Variants in GALNTL6 observed in about 807,000 individuals in gnomAD.
The protein encoded by GALNTL6 is polypeptide N-acetylgalactosaminyltransferase like 6, also known as polypeptide N-acetylgalactosaminyltransferase-like 6.
Under a neutral mutation model 73.7 loss-of-function variants are expected in GALNTL6, and 46 were observed. The ratio of observed to expected loss-of-function variants is 0.62; its 90% CI spans 0.49 to 0.80. The LOEUF is 0.80. Ranked by LOEUF, GALNTL6 falls within the 30% of genes least tolerant of loss-of-function variation. The probability of loss-of-function intolerance (pLI) is 0.00; values close to 1 mark genes in which losing one functional copy is unlikely to be tolerated. For synonymous variants in GALNTL6, 259 were observed against 263.7 expected (o/e 0.98, Z 0.17); for missense variants, 604 against 755.0 (o/e 0.80, Z 2.34).
At chr4:172,444,353 G>A (rs536260713) in intron 5 of GALNTL6, among the ~76,000 whole-genome samples, 26 of 152,238 alleles carry the variant, frequency 1.7e-4, no homozygotes, top group Middle Eastern at 3.4e-3. Flanking sequence ...GTGCTACTTC[G>A]TGATTCCCTT....
intron 7 of GALNTL6, among the ~76,000 whole-genome samples, chr4:172,853,842 T>G (rs935771665): frequency 1.3e-5 from 2 of 152,230 alleles, no homozygotes; most frequent in African/African-American, 4.8e-5. Flanking sequence ...AAATATTCTA[T>G]GTAGTATTGG....
chr4:172,649,835 A>G (rs1740396639), intron 5 of GALNTL6, among the ~76,000 whole-genome samples: 1 of 152,166 alleles, frequency 6.6e-6, no homozygotes, highest in Middle Eastern at 3.2e-3. Context: ...TGTACATATT[A>G]TGTATGTTAT....
chr4:172,183,733 C>T (rs72700989), intron 2 of GALNTL6, among the ~76,000 whole-genome samples: 3,407 of 151,386 alleles, frequency 0.023, 45 homozygotes, highest in Non-Finnish European at 0.032. Flanking sequence ...CCATGAGCCC[C>T]TTGTGTTTTT....
intron 2 of GALNTL6, among the ~76,000 whole-genome samples, chr4:172,228,601 C>A (rs1279161904): frequency 6.6e-6 from 1 of 152,016 alleles, no homozygotes; most frequent in Non-Finnish European, 1.5e-5. Flanking sequence ...AATAAAATTA[C>A]CTCACTGAAA....
intron 2 of GALNTL6, among the ~76,000 whole-genome samples, chr4:172,164,333 A>G (rs1279799645): frequency 1.3e-5 from 2 of 152,034 alleles, no homozygotes; most frequent in Non-Finnish European, 2.9e-5. Flanking sequence ...CATTTAATCA[A>G]AATATTTATA....
chr4:172,991,363 C>A (rs1425689076), intron 10 of GALNTL6, among the ~76,000 whole-genome samples: 1 of 151,706 alleles, frequency 6.6e-6, no homozygotes, highest in Non-Finnish European at 1.5e-5. Flanking sequence ...CTTTTGTATT[C>A]ACGTATGATT....
At chr4:171,987,816 A>C (rs1312158955) in intron 2 of GALNTL6, among the ~76,000 whole-genome samples, 1 of 152,150 alleles carries the variant, frequency 6.6e-6, no homozygotes, top group African/African-American at 2.4e-5. Flanking sequence ...AGGAACAGGA[A>C]AGAAGGAAAT....
intron 10 of GALNTL6, among the ~76,000 whole-genome samples, chr4:172,983,555 C>T (rs1467802963): frequency 2.0e-5 from 3 of 152,184 alleles, no homozygotes; most frequent in Non-Finnish European, 2.9e-5. Flanking sequence ...AGTAGCCGGG[C>T]GTGGTGGCAC....
At chr4:172,903,801 A>C (rs1746747766) in intron 8 of GALNTL6, among the ~76,000 whole-genome samples, 1 of 152,130 alleles carries the variant, frequency 6.6e-6, no homozygotes, top group East Asian at 1.9e-4. Flanking sequence ...GTATTACTTT[A>C]TTCAATCTTT....
chr4:172,530,488 A>G (rs778614886), intron 5 of GALNTL6, among the ~76,000 whole-genome samples: 9 of 152,184 alleles, frequency 5.9e-5, no homozygotes, highest in Non-Finnish European at 1.0e-4. Flanking sequence ...CTAATGTTTT[A>G]CATGCTACTC....
chr4:172,349,707 A>C (rs988997733), intron 5 of GALNTL6, among the ~76,000 whole-genome samples: 34 of 152,026 alleles, frequency 2.2e-4, no homozygotes, highest in African/African-American at 8.2e-4. Context: ...TGGGACTTAC[A>C]TGACAGAAAG....
chr4:172,322,070 C>T (rs866694490), intron 4 of GALNTL6, among the ~76,000 whole-genome samples: 8 of 152,122 alleles, frequency 5.3e-5, no homozygotes, highest in African/African-American at 2.4e-5. Flanking sequence ...AGCATTCATA[C>T]AACTCCAGTA....
At position 172,778,410 on chromosome 4, in the gene GALNTL6, A is replaced by C. The variant is rs1020013097; in HGVS notation, c.554-30951A>C. ...ACACAAGATTTAAGTCTGGAGCTGG[A>C]ATAAGCCACATGTAGGCACAATGTG... On this transcript the variant is annotated intron_variant, in intron 5 of 12. Transcript: ENST00000506823. Among the ~76,000 whole-genome samples, 5 of 152,254 alleles carry C rather than the reference A, an allele frequency of 3.3e-5. No homozygotes were observed. The South Asian group carries it at 1.0e-3, about 32-fold the overall frequency.
chr4:172,685,136 A>G (rs970192658), intron 5 of GALNTL6, among the ~76,000 whole-genome samples: 2 of 152,346 alleles, frequency 1.3e-5, no homozygotes, highest in African/African-American at 4.8e-5. Flanking sequence ...TAATATAAAT[A>G]ACCAGAAAAG....
chr4:172,393,437 C>T (rs988675560), intron 5 of GALNTL6, among the ~76,000 whole-genome samples: 12 of 152,148 alleles, frequency 7.9e-5, no homozygotes, highest in South Asian at 2.1e-4. Context: ...TTAAACAAAA[C>T]GAAGAGACAA....
At chr4:172,139,048 G>A (rs1046633438) in intron 2 of GALNTL6, among the ~76,000 whole-genome samples, 1 of 152,086 alleles carries the variant, frequency 6.6e-6, no homozygotes, top group East Asian at 1.9e-4. Flanking sequence ...AGGGAAAGGT[G>A]GCAGACAAAA....
intron 8 of GALNTL6, among the ~76,000 whole-genome samples, chr4:172,887,058 C>T (rs561562723): frequency 1.3e-5 from 2 of 152,236 alleles, no homozygotes; most frequent in South Asian, 2.1e-4. Flanking sequence ...TGCTTATCCT[C>T]CTCTTATAAG....
rs143513745 is a variant in GALNTL6 at position 172,391,646 on chromosome 4, A to G, written c.553+42957A>G. On this transcript the variant is annotated intron_variant, in intron 5 of 12. Transcript: ENST00000506823. ...CAACATCTGAATTTTGGAGGGACAC[A>G]TTCTAACCATAGCAGCAACTAAGAA... Among the ~76,000 whole-genome samples the G allele has an allele frequency of 1.9e-4, 29 of 152,226 alleles. No individual in the cohort carries two copies. In the East Asian group the frequency reaches 5.6e-3, roughly 30 times the overall value.
At chr4:172,014,636 C>T (rs1047441747) in intron 2 of GALNTL6, among the ~76,000 whole-genome samples, 13 of 151,780 alleles carry the variant, frequency 8.6e-5, no homozygotes, top group East Asian at 1.9e-4. Context: ...TGAGGTGTGG[C>T]GTCAGATTGT....
Sources: gnomAD v4.1 joint callset for allele counts (sites outside exome capture counted in the v4.1 genomes callset) on GRCh38, gnomAD v4.1.1 for gene constraint, MANE v1.5 for transcripts, NCBI Gene and HGNC (gene_info 2026-07-23, HGNC 2026-07-21) for gene names.